The following DPYSL5 variants were observed in gnomAD, a reference collection of about 807,000 sequenced individuals.
DPYSL5 encodes the protein dihydropyrimidinase like 5.
DPYSL5 carries 9 observed loss-of-function variants against 58.4 expected under a neutral mutation model. The ratio of observed to expected loss-of-function variants is 0.15; its 90% CI spans 0.09 to 0.27. DPYSL5 has a LOEUF of 0.27. Among genes scored for constraint, DPYSL5 ranks in the 10% least tolerant of loss-of-function variants. The pLI, the probability that DPYSL5 is intolerant of heterozygous loss-of-function variation, is 1.00. For missense variants in DPYSL5, 499 were observed against 770.6 expected (o/e 0.65, Z 4.17); for synonymous variants, 293 against 301.9 (o/e 0.97, Z 0.31).
intron 1 of DPYSL5, among the ~76,000 whole-genome samples, chr2:26,855,428 C>CA (rs200036516): frequency 7.4e-5 from 11 of 148,218 alleles, no homozygotes; most frequent in East Asian, 2.0e-4. Flanking sequence ...GACTCCATCT[C>CA]AAAAAAAAAA....
Position 26,872,378 on chromosome 2 carries a change from A to G in DPYSL5, c.-5+24124A>G, listed in dbSNP as rs565093211. Among the ~76,000 whole-genome samples the G allele has an allele frequency of 3.3e-4, 51 of 152,314 alleles. 1 individual carries two copies. In the South Asian group the frequency reaches 0.01, roughly 31 times the overall value. ...TCTGTCATTCCACAGAACACTCCAC[A>G]GAAGTGTCATCACTAAGTAAAAAAG... On this transcript the variant is annotated intron_variant, in intron 1 of 12. Transcript: ENST00000288699.
In DPYSL5 at chr2:26,849,383, C is replaced by G. The variant is rs1009570440; in HGVS notation, c.-5+1129C>G. Among the ~76,000 whole-genome samples, 2 of 151,926 alleles carry G rather than the reference C, an allele frequency of 1.3e-5. No homozygotes were observed. The highest frequency in any genetic ancestry group is 1.3e-4 in the Admixed American group (2 of 15,280). ...AGCAGCTGAGAGGCGGTCTCGGGCC[C>G]GAGGATCCTCAGCTCCAGGCGCGGG... On this transcript the variant is annotated intron_variant, in intron 1 of 12. Transcript: ENST00000288699. The surrounding 1 kb of genome is among the most constrained non-coding windows in gnomAD (Gnocchi z 6.2).
At chr2:26,940,340 G>T (rs1254618648) in intron 9 of DPYSL5, among the ~76,000 whole-genome samples, 168 bp downstream of exon 9, 1 of 151,694 alleles carries the variant, frequency 6.6e-6, no homozygotes, top group Non-Finnish European at 1.5e-5. Context: ...AAACACAAAA[G>T]GTCTTTCCCC....
At chr2:26,932,937 C>T (rs549982028) in intron 6 of DPYSL5, among the ~76,000 whole-genome samples, 1 of 152,234 alleles carries the variant, frequency 6.6e-6, no homozygotes, top group Admixed American at 6.5e-5. Flanking sequence ...AAAGAGTTCC[C>T]CCCTTTTAAA....
chr2:26,874,941 A>T (rs1487639385), intron 1 of DPYSL5, among the ~76,000 whole-genome samples: 2 of 152,240 alleles, frequency 1.3e-5, no homozygotes, highest in Non-Finnish European at 1.5e-5. Context: ...CATCTTAACA[A>T]TATCTGTTCT....
rs150363172 is a variant in DPYSL5 at position 26,928,185 on chromosome 2, T to C, written c.601-70T>C. The C allele has an allele frequency of 2.8e-4, 414 of 1,494,364 alleles. 2 individuals carry two copies. The African/African-American group carries it at 5.0e-3, about 18-fold the overall frequency. 92.6% of individuals were successfully genotyped at this position (1,494,364 alleles called of 1,614,324 possible). A position where few individuals can be genotyped will look rare whatever the true frequency, so the allele number is the denominator to read the frequency against. On this transcript the variant is annotated intron_variant, in intron 4 of 12. Transcript: ENST00000288699. ...GGTGTCTAGCATATTTCACTGTCCC[T>C]TGGGTTCAGTATTTTCTTACACGGT... is the stretch of plus-strand genomic sequence containing the variant.
rs1300516919 is a variant in DPYSL5, at chr2:26,947,879, A to G, written c.*884A>G. Reference sequence around the variant, plus strand: ...ACAGGCCTCTCTTTTCCCCGCCTGCAGTCTTCTGGGCTGCGGGAGGCCCTG... The same window carrying G: ...ACAGGCCTCTCTTTTCCCCGCCTGCGGTCTTCTGGGCTGCGGGAGGCCCTG... On this transcript the variant is annotated 3_prime_UTR_variant, in exon 13 of 13. Coordinates refer to ENST00000288699, the MANE Select transcript of DPYSL5 (RefSeq NM_020134.4). The surrounding 1 kb of genome is among the most constrained non-coding windows in gnomAD (Gnocchi z 4.2). 1 of 152,720 alleles carries G rather than the reference A, an allele frequency of 6.5e-6. No homozygotes were observed. Among genetic ancestry groups the G allele is most frequent in the African/African-American group, 2.4e-5 (1 of 41,408 alleles). The allele number at this position is 152,720 out of a possible 1,614,324, so 9.5% of individuals were successfully genotyped here. A position where few individuals can be genotyped will look rare whatever the true frequency, so the allele number is the denominator to read the frequency against.
At chr2:26,941,456 T>G (rs76822622) in intron 9 of DPYSL5, among the ~76,000 whole-genome samples, 1 of 152,174 alleles carries the variant, frequency 6.6e-6, no homozygotes, top group Admixed American at 6.5e-5. Flanking sequence ...TCTAAAATAG[T>G]ATGAGCCCCA....
chr2:26,865,312 CTTTTTT>C (rs1192892146), intron 1 of DPYSL5, among the ~76,000 whole-genome samples: 1 of 89,576 alleles, frequency 1.1e-5, no homozygotes, highest in Non-Finnish European at 2.1e-5. Flanking sequence ...GTTTTGTGTT[CTTTTTT>C]TTTTTTTTTT....
intron 1 of DPYSL5, among the ~76,000 whole-genome samples, chr2:26,895,546 A>G (rs1165587660): frequency 6.6e-6 from 1 of 152,178 alleles, no homozygotes; most frequent in East Asian, 1.9e-4. Context: ...CAGTTAATTA[A>G]TAGATGAATT....
At chr2:26,894,588 GCTAC>G (rs1386000476) in intron 1 of DPYSL5, among the ~76,000 whole-genome samples, 2 of 152,176 alleles carry the variant, frequency 1.3e-5, no homozygotes, top group Non-Finnish European at 2.9e-5. Context: ...ATTATTCTAT[GCTAC>G]CTCCTTCGGG....
At chr2:26,931,720 C>A (rs1664993362) in intron 6 of DPYSL5, 36 bp downstream of exon 6, 19 of 1,611,460 alleles carry the variant, frequency 1.2e-5, no homozygotes, top group East Asian at 2.2e-5. Flanking sequence ...GATTAGAAAC[C>A]AACCTTGGCC....
chr2:26,882,389 G>GC (rs1178148266), intron 1 of DPYSL5, among the ~76,000 whole-genome samples: 1 of 151,702 alleles, frequency 6.6e-6, no homozygotes, highest in Non-Finnish European at 1.5e-5. Context: ...GGGACTACAG[G>GC]CGCACACCAC....
chr2:26,918,207 T>C (rs1664619313), intron 2 of DPYSL5, among the ~76,000 whole-genome samples: 1 of 145,836 alleles, frequency 6.9e-6, no homozygotes, highest in Admixed American at 6.8e-5. Context: ...TGCAGCTGCA[T>C]GGGCGACATG....
At position 26,942,575 on chromosome 2, in the gene DPYSL5, G is replaced by A. The variant is rs899915971; in HGVS notation, c.1265G>A (p.Gly422Glu). The change falls in exon 11 of 13, where the codon GGA becomes GAA. Residue 422 changes from glycine to glutamate, a missense_variant. Gly to Glu is a moderately conservative substitution (Grantham distance 98). Coordinates refer to ENST00000288699, the MANE Select transcript of DPYSL5 (RefSeq NM_020134.4). This position sits in a 1 kb window ranked among gnomAD's most constrained non-coding sequence, Gnocchi z 5.9. The stretch of plus-strand genomic sequence containing the variant: ...TCAGCCAGCACGCAGGTCCAGGGAG[G>A]AGACTTCAACCTGTATGAGAACATG... Reference protein sequence around the residue: ...TISASTQVQGGDFNLYENMRC... With the variant: ...TISASTQVQGEDFNLYENMRC... 1.2e-6 allele frequency: 2 copies of A among 1,614,138 alleles called. No homozygotes were observed. Among genetic ancestry groups the A allele is most frequent in the South Asian group, 1.1e-5 (1 of 91,078 alleles).
In DPYSL5 at chr2:26,925,973, G is replaced by A. The variant is rs994596876; in HGVS notation, c.420+928G>A. ...ACTTGTAACTGCTGCTAATCAGAGT[G>A]TATATTCAGGGCAGCTTGAATCTGT... On this transcript the variant is annotated intron_variant, in intron 3 of 12. Coordinates refer to ENST00000288699, the MANE Select transcript of DPYSL5 (RefSeq NM_020134.4). This position sits in a 1 kb window ranked among gnomAD's most constrained non-coding sequence, Gnocchi z 4.5. Among the ~76,000 whole-genome samples the A allele has an allele frequency of 6.6e-6, 1 of 152,174 alleles. No homozygotes were observed. Among genetic ancestry groups the A allele is most frequent in the Non-Finnish European group, 1.5e-5 (1 of 68,034 alleles).
intron 2 of DPYSL5, among the ~76,000 whole-genome samples, chr2:26,903,830 G>C (rs1031714646): frequency 1.3e-5 from 2 of 152,274 alleles, no homozygotes; most frequent in African/African-American, 2.4e-5. Context: ...TCCCTAACCC[G>C]GTGTCCTGAC....
chr2:26,857,559 A>AAAAGAAAAAAT (rs1665910930), intron 1 of DPYSL5, among the ~76,000 whole-genome samples: 1 of 152,074 alleles, frequency 6.6e-6, no homozygotes, highest in Non-Finnish European at 1.5e-5. Context: ...AAAGAAAAAA[A>AAAAGAAAAAAT]ATCCCACAAA....
rs1261135431 is a variant in DPYSL5, at chr2:26,949,667, T to G, written c.*2672T>G. On this transcript the variant is annotated 3_prime_UTR_variant, in exon 13 of 13. Transcript: ENST00000288699. Reference sequence around the variant, plus strand: ...TGACCCGTGGCACCAGGGAACCACGTCTTGGAGTGGTCCACTGTAGGCCAT... The same window carrying G: ...TGACCCGTGGCACCAGGGAACCACGGCTTGGAGTGGTCCACTGTAGGCCAT... The G allele has an allele frequency of 6.6e-6, 1 of 152,256 alleles. No individual in the cohort carries two copies. Among genetic ancestry groups the G allele is most frequent in the African/African-American group, 2.4e-5 (1 of 41,436 alleles). 9.4% of individuals were successfully genotyped at this position (152,256 alleles called of 1,614,324 possible). A position where few individuals can be genotyped will look rare whatever the true frequency, so the allele number is the denominator to read the frequency against.
Sources: allele counts gnomAD v4.1 joint callset (sites outside exome capture counted in the v4.1 genomes callset), GRCh38; gene constraint gnomAD v4.1.1; non-coding constraint Gnocchi (gnomAD v3.1); transcripts MANE v1.5; gene names NCBI Gene and HGNC (gene_info 2026-07-23, HGNC 2026-07-21).